RNF31: variants seen among roughly 807,000 people sequenced by gnomAD.
The protein encoded by RNF31 is E3 ubiquitin-protein ligase RNF31.
A neutral mutation model predicts 133.6 loss-of-function variants in RNF31; 38 were observed. That is an observed-to-expected ratio of 0.28 (90% CI 0.22 to 0.37). The LOEUF (loss-of-function observed/expected upper bound fraction) is 0.37, where lower values mean the gene tolerates loss of function less well. RNF31 is among the 10% of genes least tolerant of loss of function. The pLI, the probability that RNF31 is intolerant of heterozygous loss-of-function variation, is 1.00. For synonymous variants in RNF31, 582 were observed against 552.3 expected (o/e 1.05, Z -0.75); for missense variants, 1,118 against 1,394.1 (o/e 0.80, Z 3.15).
In RNF31 at chr14:24,155,243, C is replaced by A. The variant is rs778915103; in HGVS notation, c.2217C>A (p.Ile739=). Residue 739 remains isoleucine, a synonymous_variant, in exon 12 of 21, where the codon ATC becomes ATA. Coordinates refer to ENST00000324103, the MANE Select transcript of RNF31 (RefSeq NM_017999.5). The surrounding 1 kb of genome is among the most constrained non-coding windows in gnomAD (Gnocchi z 4.9). ...HFTIALKEKH[I]TDMVCPACGR... ...CCATCGCCTTGAAGGAGAAGCACAT[C>A]ACAGACATGGTGTGCCCTGCCTGTG... 8.7e-6 allele frequency: 14 copies of A among 1,614,152 alleles called. No individual in the cohort carries two copies. The highest frequency in any genetic ancestry group is 1.0e-5 in the Non-Finnish European group (12 of 1,180,038).
At chr14:24,149,686 G>C in intron 6 of RNF31, 103 bp downstream of exon 6, 1 of 1,190,954 alleles carries the variant, frequency 8.4e-7, no homozygotes, top group Non-Finnish European at 1.2e-6. Flanking sequence ...GTTTAATAGA[G>C]GACAAGTAGC....
rs2038329035 is a variant in RNF31 at position 24,155,507 on chromosome 14, G to A, written c.2398G>A (p.Ala800Thr). The A allele has an allele frequency of 6.2e-7, 1 of 1,614,078 alleles. No individual in the cohort carries two copies. The part of the protein sequence containing the change: ...LMRDPKFLWC[A>T]QCSFGFIYER... ...GCGGGACCCCAAGTTCTTGTGGTGT[G>A]CCCAGGTAAGTGGCCTGCCCAGGGC... is the stretch of plus-strand genomic sequence containing the variant. The change falls in exon 13 of 21, where the codon GCC (alanine) becomes ACC (threonine). Residue 800 changes from alanine (A) to threonine (T), a missense_variant. Ala to Thr is a moderately conservative substitution (Grantham distance 58). Around this residue, in one of 3 missense-constraint regions of RNF31, gnomAD observed 201 missense variants for 371.7 expected, o/e 0.54. Transcript: ENST00000324103. This position sits in a 1 kb window ranked among gnomAD's most constrained non-coding sequence, Gnocchi z 4.9.
At chr14:24,157,777 T>A in intron 16 of RNF31, 121 bp from the exon 17 acceptor site, 1 of 1,104,930 alleles carries the variant, frequency 9.1e-7, no homozygotes, top group East Asian at 2.4e-5. Context: ...CCCCTTACCC[T>A]TTGCTTGCTC....
chr14:24,148,776 T>G (rs765227524), intron 4 of RNF31, 25 bp from the exon 5 acceptor site: 1 of 1,614,068 alleles, frequency 6.2e-7, no homozygotes, highest in Non-Finnish European at 8.5e-7. Flanking sequence ...AAACCCTTAT[T>G]CATTCCCTGC....
rs758524286 is a variant in RNF31 at position 24,157,678 on chromosome 14, G to A, written c.2727+40G>A. 4.5e-6 allele frequency: 7 copies of A among 1,559,876 alleles called. No homozygotes were observed. In the African/African-American group the frequency reaches 6.8e-5, roughly 15 times the overall value. Reference sequence around the variant, plus strand: ...TTGGGGAAGGGGTGGAAGGGTGGGGGGTGCCATTGGCTTTGAGAGTCAGAG... The same window carrying A: ...TTGGGGAAGGGGTGGAAGGGTGGGGAGTGCCATTGGCTTTGAGAGTCAGAG... On this transcript the variant is annotated intron_variant, in intron 16 of 20. Coordinates refer to ENST00000324103, the MANE Select transcript of RNF31 (RefSeq NM_017999.5).
In RNF31 at chr14:24,160,525, G is replaced by T; in HGVS notation, c.3171G>T (p.Leu1057=). 6.4e-7 allele frequency: 1 copy of T among 1,553,802 alleles called. No homozygotes were observed. Among genetic ancestry groups the T allele is most frequent in the South Asian group, 1.2e-5 (1 of 82,802 alleles). The part of the protein sequence containing the change: ...PAYQARLLQK[L]TEEVPLGQSI... ...CCTTCTCTCTCCTTCTGCAGAAGCT[G>T]ACAGAAGAGGTACCCTTGGGACAGA... is the stretch of plus-strand genomic sequence containing the variant. The change falls in exon 21 of 21, where the codon CTG becomes CTT. Residue 1057 remains leucine (L), a synonymous_variant. Coordinates refer to ENST00000324103, the MANE Select transcript of RNF31 (RefSeq NM_017999.5). The surrounding 1 kb of genome is among the most constrained non-coding windows in gnomAD (Gnocchi z 4.0).
rs377094390 is a variant in RNF31 at position 24,147,684 on chromosome 14, G to T, written c.-15G>T. 2.4e-5 allele frequency: 35 copies of T among 1,466,704 alleles called. No individual in the cohort carries two copies. The East Asian group carries it at 8.7e-4, about 36-fold the overall frequency. The allele number at this position is 1,466,704 out of a possible 1,614,324, so 90.9% of individuals were successfully genotyped here. A position where few individuals can be genotyped will look rare whatever the true frequency, so the allele number is the denominator to read the frequency against. ...CCTGGCGGGCGGCGAGGCTGGGGCT[G>T]ACTCCTGCCTCAGGATGCCGGGGGA... On this transcript the variant is annotated 5_prime_UTR_variant, in exon 1 of 21. Transcript: ENST00000324103.
intron 8 of RNF31, 109 bp downstream of exon 8, chr14:24,150,997 G>A: frequency 1.3e-6 from 2 of 1,493,672 alleles, no homozygotes; most frequent in Non-Finnish European, 1.8e-6. Context: ...GCAGCTGCCT[G>A]TTACTGAGGC....
At chr14:24,154,798 T>C (rs114316297) in intron 11 of RNF31, among the ~76,000 whole-genome samples, 3,111 of 152,324 alleles carry the variant, frequency 0.02, 105 homozygotes, top group African/African-American at 0.071. Context: ...AACTCTCTCA[T>C]GTACCTCTTT....
rs768611027 is a variant in RNF31, at chr14:24,160,566, G to A, written c.3212G>A (p.Arg1071Gln). The change falls in exon 21 of 21, where the codon CGG (arginine) becomes CAG (glutamine). Residue 1071 changes from arginine (R) to glutamine (Q), a missense_variant. By Grantham distance (43) the Arg-to-Gln change is conservative (BLOSUM62 1). Coordinates refer to ENST00000324103, the MANE Select transcript of RNF31 (RefSeq NM_017999.5). This position sits in a 1 kb window ranked among gnomAD's most constrained non-coding sequence, Gnocchi z 4.0. ...VPLGQSIPRR[R>Q]K ...TTGGGACAGAGTATCCCCCGCAGGC[G>A]GAAGTAGCTGAGGGCAAGGGTCCCG... is the stretch of plus-strand genomic sequence containing the variant. 24 of 1,531,950 alleles carry A rather than the reference G, an allele frequency of 1.6e-5. No individual in the cohort carries two copies. The highest frequency in any genetic ancestry group is 6.8e-5 in the East Asian group (3 of 43,900). 94.9% of individuals were successfully genotyped at this position (1,531,950 alleles called of 1,614,324 possible).
At chr14:24,157,795 G>A in intron 16 of RNF31, 103 bp from the exon 17 acceptor site, 1 of 1,127,052 alleles carries the variant, frequency 8.9e-7, no homozygotes, top group South Asian at 1.3e-5. Flanking sequence ...CTCCTCCAAT[G>A]TCTCCATCTC....
intron 7 of RNF31, 74 bp downstream of exon 7, chr14:24,150,522 T>C (rs2038247560): frequency 1.9e-6 from 3 of 1,575,610 alleles, no homozygotes; most frequent in African/African-American, 1.3e-5. Flanking sequence ...TTTCCTTCAG[T>C]TCCTCCCAAC....
In RNF31 at chr14:24,151,019, C is replaced by T; in HGVS notation, c.1489-112C>T. 6.5e-7 allele frequency: 1 copy of T among 1,534,904 alleles called. No homozygotes were observed. On this transcript the variant is annotated intron_variant, in intron 8 of 20. Coordinates refer to ENST00000324103, the MANE Select transcript of RNF31 (RefSeq NM_017999.5). This position sits in a 1 kb window ranked among gnomAD's most constrained non-coding sequence, Gnocchi z 5.3. The stretch of plus-strand genomic sequence containing the variant: ...CCTGTTACTGAGGCAGTTACCATTG[C>T]TGTACACTGATGACATGATCCATAT...
At chr14:24,158,981 A>G (rs374693628) in intron 18 of RNF31, among the ~76,000 whole-genome samples, 1 of 135,480 alleles carries the variant, frequency 7.4e-6, no homozygotes, top group South Asian at 2.4e-4. Flanking sequence ...TGCAGTGAGC[A>G]GAGATGGCGC....
At chr14:24,148,207 C>G (rs1316270541) in intron 2 of RNF31, 51 bp from the exon 3 acceptor site, 8 of 1,613,362 alleles carry the variant, frequency 5.0e-6, no homozygotes, top group Non-Finnish European at 2.5e-6. Flanking sequence ...GGGGTCCAGC[C>G]CTACTAGGCA....
At chr14:24,158,248 C>A in intron 18 of RNF31, 49 bp downstream of exon 18, 11 of 1,570,792 alleles carry the variant, frequency 7.0e-6, no homozygotes, top group Non-Finnish European at 9.6e-6. Context: ...GTGCTGGGCT[C>A]CCACCGTGTG....
At position 24,147,631 on chromosome 14, in the gene RNF31, C is replaced by G. The variant is rs2038188283; in HGVS notation, c.-68C>G. ...CGGGCACCAGACGGGAGGGGCGGCGCTCGGGCCGCGCGCTGCCCGCGCCGG... is the reference window on the plus strand; with the variant it reads ...CGGGCACCAGACGGGAGGGGCGGCGGTCGGGCCGCGCGCTGCCCGCGCCGG... On this transcript the variant is annotated 5_prime_UTR_variant, in exon 1 of 21. Coordinates refer to ENST00000324103, the MANE Select transcript of RNF31 (RefSeq NM_017999.5). 1 of 1,337,898 alleles carries G rather than the reference C, an allele frequency of 7.5e-7. No homozygotes were observed. The highest frequency in any genetic ancestry group is 9.6e-7 in the Non-Finnish European group (1 of 1,044,344). 82.9% of individuals were successfully genotyped at this position (1,337,898 alleles called of 1,614,324 possible).
Position 24,149,956 on chromosome 14 carries a change from G to C in RNF31, c.810-105G>C. On this transcript the variant is annotated intron_variant, in intron 6 of 20. Transcript: ENST00000324103. ...ATTCGAGACAGACAATGTGTGCAAA[G>C]GCCAGTGACATGAGTTGTTACCCAG... is the stretch of plus-strand genomic sequence containing the variant. The C allele has an allele frequency of 3.7e-6, 5 of 1,348,526 alleles. No individual in the cohort carries two copies. The South Asian group carries it at 7.0e-5, about 19-fold the overall frequency. 83.5% of individuals were successfully genotyped at this position (1,348,526 alleles called of 1,614,324 possible).
At chr14:24,148,511 G>C (rs762202313) in intron 3 of RNF31, 98 bp downstream of exon 3, 1 of 1,600,930 alleles carries the variant, frequency 6.2e-7, no homozygotes, top group African/African-American at 1.3e-5. Context: ...GCTGAACTAT[G>C]GGCATAGTTC....
Sources: gnomAD v4.1 joint callset for allele counts (sites outside exome capture counted in the v4.1 genomes callset) on GRCh38, gnomAD v4.1.1 for gene constraint, gnomAD v4.1.1 regional missense constraint, Gnocchi (gnomAD v3.1) non-coding constraint, MANE v1.5 for transcripts, NCBI Gene and HGNC (gene_info 2026-07-23, HGNC 2026-07-21) for gene names.